The following NLN variants were observed in gnomAD, a reference collection of about 807,000 sequenced individuals.
NLN encodes the protein neurolysin.
In NLN, 64 loss-of-function variants were observed where a neutral mutation model predicts 79.9. That is an observed-to-expected ratio of 0.80 (90% CI 0.65 to 0.99). NLN has a LOEUF of 0.99. NLN is among the 50% of genes least tolerant of loss of function. NLN has a pLI of 0.00. For synonymous variants in NLN, 267 were observed against 296.6 expected, an observed-to-expected ratio of 0.90 and a Z score of 1.02; for missense variants, 835 against 858.7, an observed-to-expected ratio of 0.97 and a Z score of 0.34.
At chr5:65,740,825 A>G (rs1758850744) in intron 1 of NLN, 1 of 143,570 alleles carries the variant, frequency 7.0e-6, no homozygotes, top group African/African-American at 2.6e-5. Context: ...ATATATATAT[A>G]TTTTATATAT....
chr5:65,785,709 T>C, intron 6 of NLN, 66 bp from the exon 7 acceptor site: 1 of 1,293,338 alleles, frequency 7.7e-7, no homozygotes. Context: ...ACAGTAATTC[T>C]TCCTTTTAGT....
chr5:65,823,251 A>G lies in NLN; in HGVS notation c.*336A>G, dbSNP rs921647779. On this transcript the variant is annotated 3_prime_UTR_variant, in exon 13 of 13. Coordinates refer to ENST00000380985, the MANE Select transcript of NLN (RefSeq NM_020726.5). ...GCTAAGAATTTTTAAATTGAATCAT[A>G]TATATGATATAATTTGATCCTTCTT... is the stretch of plus-strand genomic sequence containing the variant. The G allele has an allele frequency of 1.6e-5, 3 of 182,920 alleles. No homozygotes were observed. Among genetic ancestry groups the G allele is most frequent in the Non-Finnish European group, 3.4e-5 (3 of 87,260 alleles). 11.3% of individuals were successfully genotyped at this position (182,920 alleles called of 1,614,324 possible).
intron 1 of NLN, among the ~76,000 whole-genome samples, chr5:65,746,089 G>A (rs2150740101): frequency 6.6e-6 from 1 of 152,270 alleles, no homozygotes; most frequent in Middle Eastern, 3.4e-3. Context: ...TACAGATCTG[G>A]AAGTCTTTAG....
rs753281037 is a variant in NLN at position 65,788,370 on chromosome 5, C to T, written c.1211C>T (p.Ser404Leu). Residue 404 changes from serine (S) to leucine (L), a missense_variant, in exon 8 of 13, where the codon TCA becomes TTA. Physicochemically the swap from Ser to Leu is moderately radical, Grantham distance 145 (BLOSUM62 -2). Coordinates refer to ENST00000380985, the MANE Select transcript of NLN (RefSeq NM_020726.5). ...ACCTACCAGGAGTTGTTGGGACTTT[C>T]ATTTGAACAAATGACAGATGCTCAT... ...LNTYQELLGL[S>L]FEQMTDAHVW... is the part of the protein sequence containing the mutation. 6.2e-7 allele frequency: 1 copy of T among 1,614,182 alleles called. No individual in the cohort carries two copies. The highest frequency in any genetic ancestry group is 8.5e-7 in the Non-Finnish European group (1 of 1,180,028).
chr5:65,757,790 A>G (rs1027613507), intron 1 of NLN, among the ~76,000 whole-genome samples: 2 of 152,128 alleles, frequency 1.3e-5, no homozygotes, highest in African/African-American at 4.8e-5. Context: ...TCAAATTGTC[A>G]TTCTTAATTT....
chr5:65,734,385 G>A lies in NLN; in HGVS notation c.41+11971G>A, dbSNP rs940608944. Among the ~76,000 whole-genome samples the A allele has an allele frequency of 1.4e-5, 2 of 138,396 alleles. 1 individual carries two copies. The highest frequency in any genetic ancestry group is 3.2e-5 in the Non-Finnish European group (2 of 62,934). 90.8% of individuals were successfully genotyped at this position (138,396 alleles called of 152,430 possible). A position where few individuals can be genotyped will look rare whatever the true frequency, so the allele number is the denominator to read the frequency against. ...AAAAACAAAGGTGACTCAGCTGGGGGCAGAACTGGGTGAAAATGCTGACTT... is the reference window on the plus strand; with the variant it reads ...AAAAACAAAGGTGACTCAGCTGGGGACAGAACTGGGTGAAAATGCTGACTT... On this transcript the variant is annotated intron_variant, in intron 1 of 12. Coordinates refer to ENST00000380985, the MANE Select transcript of NLN (RefSeq NM_020726.5).
intron 12 of NLN, among the ~76,000 whole-genome samples, chr5:65,820,586 C>G (rs762122863): frequency 6.6e-6 from 1 of 152,048 alleles, no homozygotes; most frequent in Non-Finnish European, 1.5e-5. Flanking sequence ...TGGTTGGGCT[C>G]AAGAGCCATG....
intron 7 of NLN, among the ~76,000 whole-genome samples, chr5:65,786,438 T>C (rs1201190546): frequency 1.3e-5 from 2 of 152,234 alleles, no homozygotes; most frequent in African/African-American, 4.8e-5. Flanking sequence ...ACTATAATGT[T>C]AAACTCCATA....
At chr5:65,786,062 T>C (rs1484808721) in intron 7 of NLN, 152 bp downstream of exon 7, 1 of 613,552 alleles carries the variant, frequency 1.6e-6, no homozygotes, top group Non-Finnish European at 2.7e-6. Context: ...GATAGTGTGC[T>C]TGGTTGTAGG....
chr5:65,722,510 C>A, intron 1 of NLN, 96 bp downstream of exon 1: 1 of 1,143,582 alleles, frequency 8.7e-7, no homozygotes, highest in Non-Finnish European at 1.3e-6. Flanking sequence ...CCCGACCGCG[C>A]CTCTCCGACG....
chr5:65,777,842 A>G (rs2150755469), intron 4 of NLN, among the ~76,000 whole-genome samples: 1 of 152,362 alleles, frequency 6.6e-6, no homozygotes, highest in Non-Finnish European at 1.5e-5. Context: ...AGGGAAACAG[A>G]TGGGTTGTAA....
At chr5:65,803,525 G>A (rs574943487) in intron 9 of NLN, among the ~76,000 whole-genome samples, 13 of 152,254 alleles carry the variant, frequency 8.5e-5, no homozygotes, top group East Asian at 3.9e-4. Flanking sequence ...GGGAGCTTCC[G>A]GGGCCCCTGA....
chr5:65,731,253 G>T (rs2150733142), intron 1 of NLN, among the ~76,000 whole-genome samples: 1 of 152,298 alleles, frequency 6.6e-6, no homozygotes, highest in East Asian at 1.9e-4. Context: ...AACCTCATTA[G>T]CTCTGCCACA....
intron 3 of NLN, among the ~76,000 whole-genome samples, chr5:65,775,071 G>C (rs1360886742): frequency 1.3e-5 from 2 of 152,188 alleles, no homozygotes; most frequent in South Asian, 4.2e-4. Flanking sequence ...ATTTTTCTCA[G>C]AATATCCTTC....
rs1205349366 is a variant in NLN at position 65,785,849 on chromosome 5, T to G, written c.897T>G (p.His299Gln). ...CCAAACTACTCGGTTATAGCACACA[T>G]GCTGACTTCGTCCTTGAAATGAACA... Reference protein sequence around the residue: ...KVAKLLGYSTHADFVLEMNTA... With the variant: ...KVAKLLGYSTQADFVLEMNTA... Residue 299 changes from histidine (H) to glutamine (Q), a missense_variant, in exon 7 of 13, where the codon CAT becomes CAG. His to Gln is a conservative substitution (Grantham distance 24). Coordinates refer to ENST00000380985, the MANE Select transcript of NLN (RefSeq NM_020726.5). 1.2e-6 allele frequency: 2 copies of G among 1,613,700 alleles called. No individual in the cohort carries two copies. The highest frequency in any genetic ancestry group is 2.7e-5 in the African/African-American group (2 of 74,874).
At chr5:65,725,516 T>G (rs866636927) in intron 1 of NLN, among the ~76,000 whole-genome samples, 3 of 152,240 alleles carry the variant, frequency 2.0e-5, no homozygotes, top group African/African-American at 7.2e-5. Flanking sequence ...TGTTATACAG[T>G]TCTTCCTAAT....
intron 1 of NLN, among the ~76,000 whole-genome samples, chr5:65,748,644 A>G (rs767554320): frequency 4.6e-5 from 7 of 152,072 alleles, no homozygotes; most frequent in African/African-American, 1.7e-4. Flanking sequence ...AGTCCCAGCT[A>G]TTAGGGAAAT....
chr5:65,821,483 G>C (rs562288758), intron 12 of NLN, among the ~76,000 whole-genome samples: 44 of 152,212 alleles, frequency 2.9e-4, no homozygotes, highest in African/African-American at 1.0e-3. Flanking sequence ...TGTGTATATT[G>C]ACACGTGTTG....
intron 6 of NLN, among the ~76,000 whole-genome samples, chr5:65,783,339 A>G (rs1759847029): frequency 6.6e-6 from 1 of 152,124 alleles, no homozygotes; most frequent in Non-Finnish European, 1.5e-5. Context: ...TCAAGAGGTG[A>G]GTGGTCCAGA....
Sources: gnomAD v4.1 joint callset for allele counts (sites outside exome capture counted in the v4.1 genomes callset) on GRCh38, gnomAD v4.1.1 for gene constraint, MANE v1.5 for transcripts, NCBI Gene and HGNC (gene_info 2026-07-23, HGNC 2026-07-21) for gene names.